The following TRERF1 variants were observed in gnomAD, a reference collection of about 807,000 sequenced individuals.
TRERF1 encodes transcriptional-regulating factor 1.
TRERF1 carries 27 observed loss-of-function variants against 122.9 expected under a neutral mutation model. The observed-to-expected ratio is 0.22, with a 90% CI of 0.16 to 0.30. The LOEUF is 0.30. TRERF1 is among the 10% of genes least tolerant of loss of function. The probability of loss-of-function intolerance (pLI) is 1.00; values close to 1 mark genes in which losing one functional copy is unlikely to be tolerated. For synonymous variants in TRERF1, 636 were observed against 641.7 expected, an observed-to-expected ratio of 0.99 and a Z score of 0.13; for missense variants, 1,248 against 1,560.3, an observed-to-expected ratio of 0.80 and a Z score of 3.37.
chr6:42,297,598 G>GA (rs1304809829), intron 4 of TRERF1, among the ~76,000 whole-genome samples: 1 of 152,190 alleles, frequency 6.6e-6, no homozygotes, highest in Non-Finnish European at 1.5e-5. Flanking sequence ...AGAATGGGGG[G>GA]AAAATCTCTC....
chr6:42,431,959 A>G (rs1439102117), intron 2 of TRERF1, among the ~76,000 whole-genome samples: 1 of 152,238 alleles, frequency 6.6e-6, no homozygotes, highest in Non-Finnish European at 1.5e-5. Flanking sequence ...ATGGTTAGAA[A>G]GAAAGTGATA....
intron 3 of TRERF1, among the ~76,000 whole-genome samples, chr6:42,303,803 C>T (rs905559412): frequency 2.0e-5 from 3 of 147,512 alleles, no homozygotes; most frequent in African/African-American, 7.5e-5. Context: ...GTAGTCCCAG[C>T]TACTTGAGAG....
At chr6:42,340,296 GT>G (rs1767003114) in intron 3 of TRERF1, among the ~76,000 whole-genome samples, 1 of 152,094 alleles carries the variant, frequency 6.6e-6, no homozygotes, top group African/African-American at 2.4e-5. Context: ...TAAGGGATGT[GT>G]TAAGTACCCC....
intron 2 of TRERF1, among the ~76,000 whole-genome samples, chr6:42,440,875 G>A (rs1156707883): frequency 6.6e-6 from 1 of 152,078 alleles, no homozygotes; most frequent in African/African-American, 2.4e-5. Context: ...AATCCCCTGA[G>A]TTTCTGCTAT....
rs150820164 is a variant in TRERF1, at chr6:42,425,529, A to ATT, written c.-454+25646_-454+25647dup. On this transcript the variant is annotated intron_variant, in intron 2 of 17. Transcript: ENST00000372922. ...CCTAAACCGACACGGCCCCCTGGGC[A>ATT]TTTTTTTTTTTTTTTTTTTTTTTTT... is the stretch of plus-strand genomic sequence containing the variant. Among the ~76,000 whole-genome samples the ATT allele has an allele frequency of 4.5e-4, 20 of 44,084 alleles. 1 individual carries two copies. The highest frequency in any genetic ancestry group is 1.9e-3 in the African/African-American group (20 of 10,372). The allele number at this position is 44,084 out of a possible 152,430, so 28.9% of individuals were successfully genotyped here.
chr6:42,348,668 A>G (rs894841677), intron 3 of TRERF1, among the ~76,000 whole-genome samples: 4 of 152,230 alleles, frequency 2.6e-5, no homozygotes, highest in Non-Finnish European at 5.9e-5. Context: ...CGATCCACGT[A>G]TTAATAACTG....
rs920210103 is a variant in TRERF1 at position 42,263,185 on chromosome 6, T to C, written c.1884+135A>G. ...GTATCCAAGCTCAGGTCAGTGACTC[T>C]GGAAGGGCCGCCCCATCTCCAAGAA... On this transcript the variant is annotated intron_variant, in intron 8 of 17. Transcript: ENST00000372922. The surrounding 1 kb of genome is among the most constrained non-coding windows in gnomAD (Gnocchi z 5.6). The C allele has an allele frequency of 1.4e-6, 2 of 1,442,106 alleles. No homozygotes were observed. The highest frequency in any genetic ancestry group is 9.1e-7 in the Non-Finnish European group (1 of 1,098,302). The allele number at this position is 1,442,106 out of a possible 1,614,324, so 89.3% of individuals were successfully genotyped here. A position where few individuals can be genotyped will look rare whatever the true frequency, so the allele number is the denominator to read the frequency against.
intron 4 of TRERF1, among the ~76,000 whole-genome samples, chr6:42,287,843 A>G (rs1783545703): frequency 6.6e-6 from 1 of 151,854 alleles, no homozygotes; most frequent in Non-Finnish European, 1.5e-5. Flanking sequence ...AAAACCTCCA[A>G]TGCTCCCTCT....
chr6:42,437,847 G>A (rs992759708), intron 2 of TRERF1, among the ~76,000 whole-genome samples: 1 of 152,120 alleles, frequency 6.6e-6, no homozygotes, highest in Non-Finnish European at 1.5e-5. Context: ...TTGTTCTGAG[G>A]GTTAAAGGGG....
chr6:42,263,230 C>G lies in TRERF1; in HGVS notation c.1884+90G>C, dbSNP rs767448386. 4.7e-6 allele frequency: 7 copies of G among 1,488,224 alleles called. No homozygotes were observed. The Middle Eastern group carries it at 7.7e-4, about 164-fold the overall frequency. 92.2% of individuals were successfully genotyped at this position (1,488,224 alleles called of 1,614,324 possible). On this transcript the variant is annotated intron_variant, in intron 8 of 17. Transcript: ENST00000372922. This position sits in a 1 kb window ranked among gnomAD's most constrained non-coding sequence, Gnocchi z 5.6. ...CAAGAAAGCAAAGGGATGTCCCCAC[C>G]CAGGCAGGTGGGGCAGAGCAGCAAC...
intron 2 of TRERF1, among the ~76,000 whole-genome samples, chr6:42,422,896 A>G (rs1380007692): frequency 6.6e-6 from 1 of 151,920 alleles, no homozygotes; most frequent in African/African-American, 2.4e-5. Flanking sequence ...CTGGAGTGCA[A>G]TGGCGCGATC....
At chr6:42,242,010 G>C (rs915265696) in intron 15 of TRERF1, among the ~76,000 whole-genome samples, 16 of 152,196 alleles carry the variant, frequency 1.1e-4, no homozygotes, top group African/African-American at 3.4e-4. Flanking sequence ...TGGGAGGATT[G>C]CTTGAGCCCA....
At chr6:42,405,820 A>T (rs1423069244) in intron 2 of TRERF1, among the ~76,000 whole-genome samples, 1 of 150,708 alleles carries the variant, frequency 6.6e-6, no homozygotes, top group African/African-American at 2.5e-5. Flanking sequence ...AAAAAAATTA[A>T]AAAAAATAAA....
At chr6:42,235,646 A>G (rs1445244157) in intron 16 of TRERF1, among the ~76,000 whole-genome samples, 1 of 152,058 alleles carries the variant, frequency 6.6e-6, no homozygotes, top group Non-Finnish European at 1.5e-5. Context: ...TTTTTTCTCC[A>G]CCATAGAGTA....
At chr6:42,361,627 C>T (rs115602035) in intron 3 of TRERF1, among the ~76,000 whole-genome samples, 6 of 152,286 alleles carry the variant, frequency 3.9e-5, no homozygotes, top group Middle Eastern at 3.4e-3. Context: ...GGCACATCTA[C>T]GTAGCTGACC....
chr6:42,334,330 G>A (rs1307325826), intron 3 of TRERF1, among the ~76,000 whole-genome samples: 1 of 152,112 alleles, frequency 6.6e-6, no homozygotes, highest in African/African-American at 2.4e-5. Context: ...CTCAGGCTCT[G>A]CAACAACTTC....
chr6:42,275,318 G>A lies in TRERF1; in HGVS notation c.-258-5470C>T, dbSNP rs546812542. ...TTTTTCATTCATGAACTAATTAACA[G>A]AACTGCTACCTTCCCATTTCTTCGG... On this transcript the variant is annotated intron_variant, in intron 4 of 17. Coordinates refer to ENST00000372922, the Ensembl canonical transcript of TRERF1. The surrounding 1 kb of genome is among the most constrained non-coding windows in gnomAD (Gnocchi z 4.1). Among the ~76,000 whole-genome samples the A allele has an allele frequency of 6.6e-6, 1 of 152,216 alleles. No homozygotes were observed. The highest frequency in any genetic ancestry group is 1.5e-5 in the Non-Finnish European group (1 of 68,038).
intron 8 of TRERF1, among the ~76,000 whole-genome samples, chr6:42,262,565 G>C (rs965388840): frequency 6.1e-5 from 9 of 146,660 alleles, no homozygotes; most frequent in African/African-American, 1.7e-4. Context: ...GAGAGAGAGA[G>C]AGAGAGAGAG....
Position 42,246,447 on chromosome 6 carries a change from C to T in TRERF1, c.2745+9G>A. On this transcript the variant is annotated intron_variant, in intron 14 of 17. Transcript: ENST00000372922. ...ATTTCAAGGGGGCAATGGGAAAAATCATGCTTACCATCTTCTGTACAAAAA... is the reference window on the plus strand; with the variant it reads ...ATTTCAAGGGGGCAATGGGAAAAATTATGCTTACCATCTTCTGTACAAAAA... 1 of 1,568,446 alleles carries T rather than the reference C, an allele frequency of 6.4e-7. No homozygotes were observed. Among genetic ancestry groups the T allele is most frequent in the Non-Finnish European group, 8.6e-7 (1 of 1,161,526 alleles).
Sources: allele counts gnomAD v4.1 joint callset (sites outside exome capture counted in the v4.1 genomes callset), GRCh38; gene constraint gnomAD v4.1.1; non-coding constraint Gnocchi (gnomAD v3.1); transcripts MANE v1.5; gene names NCBI Gene and HGNC (gene_info 2026-07-23, HGNC 2026-07-21).